PDE7B: variants seen among roughly 807,000 people sequenced by gnomAD.
PDE7B encodes 3',5'-cyclic-AMP phosphodiesterase 7B.
A neutral mutation model predicts 56.2 loss-of-function variants in PDE7B; 29 were observed. That is an observed-to-expected ratio of 0.52 (90% CI 0.38 to 0.70). The LOEUF (loss-of-function observed/expected upper bound fraction) is 0.70. Ranked by LOEUF, PDE7B falls within the 30% of genes least tolerant of loss-of-function variation. The pLI is 0.00. For missense variants in PDE7B, 490 were observed against 565.0 expected (o/e 0.87, Z 1.35); for synonymous variants, 197 against 196.9 (o/e 1.00, Z 0.00).
At chr6:135,925,501 T>C (rs1408686971) in intron 1 of PDE7B, among the ~76,000 whole-genome samples, 3 of 152,164 alleles carry the variant, frequency 2.0e-5, no homozygotes, top group South Asian at 2.1e-4. Context: ...CAGCAAGACA[T>C]GCAAACTAGT....
intron 2 of PDE7B, among the ~76,000 whole-genome samples, chr6:136,073,971 T>G (rs1777089829): frequency 6.6e-6 from 1 of 152,150 alleles, no homozygotes; most frequent in African/African-American, 2.4e-5. Flanking sequence ...TAGAAATAAT[T>G]CCTTCGTGGA....
chr6:136,009,804 TC>T (rs1180764046), intron 2 of PDE7B, among the ~76,000 whole-genome samples: 2 of 152,208 alleles, frequency 1.3e-5, no homozygotes, highest in Non-Finnish European at 2.9e-5. Flanking sequence ...CTTCTTCTTT[TC>T]CTAACTGAAT....
intron 8 of PDE7B, among the ~76,000 whole-genome samples, chr6:136,159,346 C>G (rs960922391): frequency 6.6e-6 from 1 of 152,128 alleles, no homozygotes; most frequent in Non-Finnish European, 1.5e-5. Flanking sequence ...ATAAAAGGAG[C>G]CTCAAATTTG....
At chr6:136,154,046 G>GTTGA (rs772375141) in intron 6 of PDE7B, 29 bp from the exon 7 acceptor site, 1 of 1,520,704 alleles carries the variant, frequency 6.6e-7, no homozygotes, top group African/African-American at 1.4e-5. Flanking sequence ...TTGGGTTTTA[G>GTTGA]TTGATTGAGT....
intron 2 of PDE7B, among the ~76,000 whole-genome samples, chr6:136,058,460 G>A (rs1385447695): frequency 6.6e-6 from 1 of 152,114 alleles, no homozygotes; most frequent in Non-Finnish European, 1.5e-5. Context: ...TCTATTTCCT[G>A]GGAATTCAGT....
chr6:136,108,071 G>A (rs1777677299), intron 2 of PDE7B, among the ~76,000 whole-genome samples: 1 of 139,518 alleles, frequency 7.2e-6, no homozygotes, highest in South Asian at 2.2e-4. Context: ...AGGTTGCAGT[G>A]AGCCAAGATC....
At chr6:136,113,905 G>C (rs1052872027) in intron 3 of PDE7B, among the ~76,000 whole-genome samples, 1 of 152,164 alleles carries the variant, frequency 6.6e-6, no homozygotes, top group Non-Finnish European at 1.5e-5. Context: ...AGATGTTCCC[G>C]TGGCAACCAT....
At chr6:136,098,385 G>C (rs1435337961) in intron 2 of PDE7B, among the ~76,000 whole-genome samples, 2 of 152,128 alleles carry the variant, frequency 1.3e-5, no homozygotes, top group African/African-American at 4.8e-5. Flanking sequence ...AGAGAAATCT[G>C]CTTACTGGAG....
At chr6:136,170,517 T>C (rs927844663) in intron 8 of PDE7B, among the ~76,000 whole-genome samples, 1 of 152,210 alleles carries the variant, frequency 6.6e-6, no homozygotes, top group African/African-American at 2.4e-5. Context: ...AGACTGTGGC[T>C]ACTCTAGGTA....
intron 2 of PDE7B, among the ~76,000 whole-genome samples, chr6:136,073,436 CT>C (rs1401255155): frequency 6.6e-6 from 1 of 152,214 alleles, no homozygotes; most frequent in Non-Finnish European, 1.5e-5. Context: ...ACAACAGAAA[CT>C]GATTTTCTCA....
intron 8 of PDE7B, among the ~76,000 whole-genome samples, chr6:136,169,279 G>A (rs909969705): frequency 2.2e-4 from 34 of 151,922 alleles, no homozygotes; most frequent in African/African-American, 7.7e-4. Flanking sequence ...TATTTCCACC[G>A]CGGTTCTGGC....
chr6:136,187,455 G>A (rs1264540887), intron 12 of PDE7B, among the ~76,000 whole-genome samples: 2 of 152,160 alleles, frequency 1.3e-5, no homozygotes, highest in African/African-American at 4.8e-5. Flanking sequence ...GCTTGAAGGT[G>A]GGAATCAGCA....
rs774771766 is a variant in PDE7B, at chr6:136,187,004, A to G, written c.1046-32A>G. ...TCATTTTATAAGTTCTAGATTACCAATGTGTTTTTTTCTTTCTTTCTTTCT... is the reference window on the plus strand; with the variant it reads ...TCATTTTATAAGTTCTAGATTACCAGTGTGTTTTTTTCTTTCTTTCTTTCT... On this transcript the variant is annotated intron_variant, in intron 11 of 12. Transcript: ENST00000308191. 32 of 1,058,052 alleles carry G rather than the reference A, an allele frequency of 3.0e-5. No homozygotes were observed. The Middle Eastern group carries it at 1.1e-3, about 38-fold the overall frequency. 65.5% of individuals were successfully genotyped at this position (1,058,052 alleles called of 1,614,324 possible). A position where few individuals can be genotyped will look rare whatever the true frequency, so the allele number is the denominator to read the frequency against.
intron 2 of PDE7B, among the ~76,000 whole-genome samples, chr6:135,954,097 CT>C (rs1242237437): frequency 6.6e-6 from 1 of 152,182 alleles, no homozygotes. Context: ...ACCCAAGGCC[CT>C]GTCTTGTTTC....
intron 2 of PDE7B, among the ~76,000 whole-genome samples, chr6:136,017,729 C>A (rs1241597766): frequency 6.6e-6 from 1 of 151,946 alleles, no homozygotes; most frequent in East Asian, 1.9e-4. Context: ...GAAGTTACAC[C>A]AAAGATGGGT....
At chr6:135,919,792 G>A (rs1283984349) in intron 1 of PDE7B, among the ~76,000 whole-genome samples, 2 of 152,132 alleles carry the variant, frequency 1.3e-5, no homozygotes, top group African/African-American at 4.8e-5. Flanking sequence ...TCTGATCCAC[G>A]AAGGAGTTGC....
chr6:136,040,685 G>A (rs1302704297), intron 2 of PDE7B, among the ~76,000 whole-genome samples: 1 of 152,192 alleles, frequency 6.6e-6, no homozygotes, highest in Non-Finnish European at 1.5e-5. Flanking sequence ...GCAAGACACG[G>A]TGCTCCCTCG....
At chr6:136,012,930 C>T (rs998045854) in intron 2 of PDE7B, among the ~76,000 whole-genome samples, 2 of 151,998 alleles carry the variant, frequency 1.3e-5, no homozygotes, top group African/African-American at 4.8e-5. Context: ...CAGAATTAGC[C>T]CCATTCTACA....
At chr6:135,944,356 G>A (rs1456779659) in intron 1 of PDE7B, among the ~76,000 whole-genome samples, 1 of 152,068 alleles carries the variant, frequency 6.6e-6, no homozygotes, top group Non-Finnish European at 1.5e-5. Context: ...GGCAGCGAAG[G>A]CTGGATAAAC....
Sources: allele counts gnomAD v4.1 joint callset (sites outside exome capture counted in the v4.1 genomes callset), GRCh38; gene constraint gnomAD v4.1.1; transcripts MANE v1.5; gene names NCBI Gene and HGNC (gene_info 2026-07-23, HGNC 2026-07-21).